SLC22A17: variants seen among roughly 807,000 people sequenced by gnomAD.
SLC22A17 encodes the protein 24p3 receptor.
A neutral mutation model predicts 53.6 loss-of-function variants in SLC22A17; 38 were observed. That is an observed-to-expected ratio of 0.71 (90% confidence interval 0.55 to 0.93). SLC22A17 has a LOEUF of 0.93. SLC22A17 is among the 40% of genes least tolerant of loss of function. The probability of loss-of-function intolerance (pLI) is 0.00; values close to 1 mark genes in which losing one functional copy is unlikely to be tolerated. For missense variants in SLC22A17, 704 were observed against 791.0 expected (o/e 0.89, Z 1.32); for synonymous variants, 379 against 353.0 (o/e 1.07, Z -0.82).
chr14:23,347,605 G>A lies in SLC22A17; in HGVS notation c.1404C>T (p.Val468=), dbSNP rs772437000. ...CCCGGCGGCCAAATCGGTCCACGGTGACCCCCAGGAAGACACAGGCCAGGG... is the reference window on the plus strand; with the variant it reads ...CCCGGCGGCCAAATCGGTCCACGGTAACCCCCAGGAAGACACAGGCCAGGG... The change falls in exon 8 of 10, where the codon GTC becomes GTT. Residue 468 remains valine (V), a synonymous_variant. Coordinates refer to ENST00000397267, the Ensembl canonical transcript of SLC22A17. This position sits in a 1 kb window ranked among gnomAD's most constrained non-coding sequence, Gnocchi z 5.1. The A allele has an allele frequency of 1.5e-5, 25 of 1,613,916 alleles. No homozygotes were observed. Among genetic ancestry groups the A allele is most frequent in the Non-Finnish European group, 1.9e-5 (22 of 1,180,002 alleles).
At chr14:23,346,500 T>G in exon 10 of SLC22A17, 3 of 980,316 alleles carry the variant, frequency 3.1e-6, no homozygotes, top group South Asian at 2.0e-5. Flanking sequence ...GGAGGCAGGG[T>G]GGGGACGGCC....
exon 10 of SLC22A17, chr14:23,346,452 T>C (rs1812445092): frequency 3.0e-6 from 2 of 662,896 alleles, no homozygotes; most frequent in South Asian, 2.5e-5. Flanking sequence ...CCCTGTCCCC[T>C]GACTCTGGCC....
chr14:23,351,739 C>T lies in SLC22A17; in HGVS notation c.704+13G>A, dbSNP rs766395004. On this transcript the variant is annotated intron_variant, in intron 3 of 9. Coordinates refer to ENST00000397267, the Ensembl canonical transcript of SLC22A17. Reference sequence around the variant, plus strand: ...CTCCTTTCTACCAGCCCTGCCCCCACGACAGCCCTCACCTGTCTGCGGGGT... The same window carrying T: ...CTCCTTTCTACCAGCCCTGCCCCCATGACAGCCCTCACCTGTCTGCGGGGT... The T allele has an allele frequency of 9.3e-6, 15 of 1,608,348 alleles. No homozygotes were observed. In the African/African-American group the frequency reaches 1.3e-4, roughly 14 times the overall value.
chr14:23,350,260 T>C (rs536549453), intron 3 of SLC22A17, among the ~76,000 whole-genome samples: 3 of 151,902 alleles, frequency 2.0e-5, no homozygotes, highest in African/African-American at 7.2e-5. Flanking sequence ...GCTGAGATTA[T>C]GCCACTGCAC....
In SLC22A17 at chr14:23,348,243, A is replaced by T; in HGVS notation, c.1089T>A (p.Ala363=). The T allele has an allele frequency of 6.2e-7, 1 of 1,614,092 alleles. No individual in the cohort carries two copies. Among genetic ancestry groups the T allele is most frequent in the Non-Finnish European group, 8.5e-7 (1 of 1,179,992 alleles). ...CAGCCAGGATCCTCAGCACAGACTGAGCCTCCTCAATCTGCCGCTTCACTA... is the reference window on the plus strand; with the variant it reads ...CAGCCAGGATCCTCAGCACAGACTGTGCCTCCTCAATCTGCCGCTTCACTA... The change falls in exon 6 of 10, where the codon GCT becomes GCA. Residue 363 remains alanine, a synonymous_variant. Coordinates refer to ENST00000397267, the Ensembl canonical transcript of SLC22A17. The surrounding 1 kb of genome is among the most constrained non-coding windows in gnomAD (Gnocchi z 4.5).
Position 23,347,917 on chromosome 14 carries a change from T to C in SLC22A17, c.1251A>G (p.Lys417=). 1 of 1,614,170 alleles carries C rather than the reference T, an allele frequency of 6.2e-7. No homozygotes were observed. The highest frequency in any genetic ancestry group is 8.5e-7 in the Non-Finnish European group (1 of 1,180,026). Reference sequence around the variant, plus strand: ...TGGTGAAGCCCAGGATAAGCAGATTTTTCCAGATGTTGCGGTAGTTGAGGA... The same window carrying C: ...TGGTGAAGCCCAGGATAAGCAGATTCTTCCAGATGTTGCGGTAGTTGAGGA... The change falls in exon 7 of 10, where the codon AAA becomes AAG. Residue 417 remains lysine (K), a synonymous_variant. Transcript: ENST00000397267. The surrounding 1 kb of genome is among the most constrained non-coding windows in gnomAD (Gnocchi z 5.1).
In SLC22A17 at chr14:23,348,423, A is replaced by T. The variant is rs1288388553; in HGVS notation, c.1025+83T>A. Reference sequence around the variant, plus strand: ...GTAGGCCTGGACCAGGGGTAGTTGGAGAAGAGGAGGGGTCTCCGGGCTAGG... The same window carrying T: ...GTAGGCCTGGACCAGGGGTAGTTGGTGAAGAGGAGGGGTCTCCGGGCTAGG... On this transcript the variant is annotated intron_variant, in intron 5 of 9. Transcript: ENST00000397267. The surrounding 1 kb of genome is among the most constrained non-coding windows in gnomAD (Gnocchi z 4.5). 6.3e-7 allele frequency: 1 copy of T among 1,582,572 alleles called. No homozygotes were observed. Among genetic ancestry groups the T allele is most frequent in the African/African-American group, 1.3e-5 (1 of 74,328 alleles).
Position 23,346,447 on chromosome 14 carries a change from T to C in SLC22A17, c.*201A>G. On this transcript the variant is annotated 3_prime_UTR_variant, in exon 10 of 10. Transcript: ENST00000397267. ...GTTACAGTGTGGAGCTCTCTCCCTG[T>C]CCCCTGACTCTGGCCAAGGAAGTGA... 4 of 627,438 alleles carry C rather than the reference T, an allele frequency of 6.4e-6. No individual in the cohort carries two copies. In the South Asian group the frequency reaches 1.0e-4, roughly 16 times the overall value. The allele number at this position is 627,438 out of a possible 1,614,324, so 38.9% of individuals were successfully genotyped here. A position where few individuals can be genotyped will look rare whatever the true frequency, so the allele number is the denominator to read the frequency against.
exon 10 of SLC22A17, chr14:23,346,885 G>A (rs1295932470): frequency 2.6e-6 from 4 of 1,538,352 alleles, no homozygotes; most frequent in Non-Finnish European, 2.6e-6. Flanking sequence ...GGGCCGGGCC[G>A]CTCAGTCCTC....
intron 3 of SLC22A17, 173 bp downstream of exon 3, chr14:23,351,579 T>G: frequency 1.7e-6 from 1 of 588,376 alleles, no homozygotes; most frequent in Non-Finnish European, 3.0e-6. Flanking sequence ...AGGGAAGGGG[T>G]ATTTCTTGAT....
intron 3 of SLC22A17, among the ~76,000 whole-genome samples, chr14:23,350,597 G>T (rs918197528): frequency 2.6e-5 from 4 of 152,174 alleles, no homozygotes; most frequent in African/African-American, 9.7e-5. Flanking sequence ...GGAGCCTCTG[G>T]TCATTGCAAA....
chr14:23,347,711 C>A lies in SLC22A17; in HGVS notation c.1298G>T (p.Arg433Leu). 6.2e-7 allele frequency: 1 copy of A among 1,613,748 alleles called. No individual in the cohort carries two copies. The highest frequency in any genetic ancestry group is 8.5e-7 in the Non-Finnish European group (1 of 1,179,928). Residue 433 changes from arginine to leucine, a missense_variant, in exon 8 of 10, where the codon CGC becomes CTC. By Grantham distance (102) the Arg-to-Leu change is moderately radical. This residue lies in a region of SLC22A17 where 435 missense variants were observed against 529.0 expected (regional missense o/e 0.82). Transcript: ENST00000397267. This position sits in a 1 kb window ranked among gnomAD's most constrained non-coding sequence, Gnocchi z 5.1. The stretch of plus-strand genomic sequence containing the variant: ...TCCTCCCACAGGCTGGTAGCAGTGG[C>A]GAATGGCATGGGCAATGAAGCTGTG...
exon 10 of SLC22A17, chr14:23,346,843 C>T: frequency 6.5e-7 from 1 of 1,539,772 alleles, no homozygotes; most frequent in South Asian, 1.2e-5. Flanking sequence ...CCACGTGCTG[C>T]AGGAAGGCTC....
exon 10 of SLC22A17, chr14:23,346,578 C>T (rs1889191483): frequency 7.0e-7 from 1 of 1,426,136 alleles, no homozygotes; most frequent in South Asian, 1.5e-5. Flanking sequence ...GCCTTCCCTA[C>T]TCAGTCTTCC....
At position 23,348,826 on chromosome 14, in the gene SLC22A17, C is replaced by T; in HGVS notation, c.860-155G>A. 2.5e-6 allele frequency: 2 copies of T among 801,312 alleles called. No homozygotes were observed. Among genetic ancestry groups the T allele is most frequent in the Non-Finnish European group, 3.8e-6 (2 of 521,212 alleles). 49.6% of individuals were successfully genotyped at this position (801,312 alleles called of 1,614,324 possible). ...GCCTCCCTTGCTAACCTCTGGGTGG[C>T]AAGGACTGGGGAGACTGTTCAGCCC... On this transcript the variant is annotated intron_variant, in intron 4 of 9. Transcript: ENST00000397267. This position sits in a 1 kb window ranked among gnomAD's most constrained non-coding sequence, Gnocchi z 4.5.
exon 10 of SLC22A17, chr14:23,346,415 C>A: frequency 2.0e-6 from 1 of 502,412 alleles, no homozygotes; most frequent in Non-Finnish European, 3.4e-6. Flanking sequence ...GGAGCCCAGA[C>A]CCAGTGGTTA....
rs759915561 is a variant in SLC22A17 at position 23,351,868 on chromosome 14, G to A, written c.601-13C>T. On this transcript the variant is annotated splice_polypyrimidine_tract_variant and intron_variant, in intron 2 of 9. Transcript: ENST00000397267. The stretch of plus-strand genomic sequence containing the variant: ...ACACCAGATCCCACTGGGGATGTGA[G>A]AAGGGTGCAGCGGGCGTGAGGCCCC... 1.4e-5 allele frequency: 22 copies of A among 1,612,820 alleles called. No homozygotes were observed. Among genetic ancestry groups the A allele is most frequent in the Non-Finnish European group, 1.9e-5 (22 of 1,179,282 alleles).
At position 23,346,571 on chromosome 14, in the gene SLC22A17, T is replaced by A. The variant is rs1227653345; in HGVS notation, c.*77A>T. On this transcript the variant is annotated 3_prime_UTR_variant, in exon 10 of 10. Coordinates refer to ENST00000397267, the Ensembl canonical transcript of SLC22A17. ...TCTGAGACTTCTGGGCAGCCCTGCCTTCCCTACTCAGTCTTCCCGATCTTC... is the reference window on the plus strand; with the variant it reads ...TCTGAGACTTCTGGGCAGCCCTGCCATCCCTACTCAGTCTTCCCGATCTTC... 2.8e-6 allele frequency: 4 copies of A among 1,419,464 alleles called. No homozygotes were observed. The Admixed American group carries it at 1.2e-4, about 41-fold the overall frequency. The allele number at this position is 1,419,464 out of a possible 1,614,324, so 87.9% of individuals were successfully genotyped here.
rs756063598 is a variant in SLC22A17 at position 23,348,325 on chromosome 14, G to A, written c.1026-19C>T. ...AGGCCAGCTGGGGGCAGGGGGGAAG[G>A]GGTATACTGTGAGGCCTCCCTTCTC... On this transcript the variant is annotated intron_variant, in intron 5 of 9. Coordinates refer to ENST00000397267, the Ensembl canonical transcript of SLC22A17. This position sits in a 1 kb window ranked among gnomAD's most constrained non-coding sequence, Gnocchi z 4.5. 3.1e-6 allele frequency: 5 copies of A among 1,613,450 alleles called. No homozygotes were observed. Among genetic ancestry groups the A allele is most frequent in the Non-Finnish European group, 4.2e-6 (5 of 1,179,610 alleles).
Sources: allele counts gnomAD v4.1 joint callset (sites outside exome capture counted in the v4.1 genomes callset), GRCh38; gene constraint gnomAD v4.1.1; regional missense constraint gnomAD v4.1.1; non-coding constraint Gnocchi (gnomAD v3.1); transcripts MANE v1.5; gene names NCBI Gene and HGNC (gene_info 2026-07-23, HGNC 2026-07-21).